The following CSMD2 variants were observed in gnomAD, a reference collection of about 807,000 sequenced individuals.
The protein encoded by CSMD2 is CUB and Sushi multiple domains 2, also known as CUB and sushi domain-containing protein 2.
A neutral mutation model predicts 398.5 loss-of-function variants in CSMD2; 130 were observed. That is an observed-to-expected ratio of 0.33 (90% confidence interval 0.28 to 0.38). The LOEUF is 0.38. Among genes scored for constraint, CSMD2 ranks in the 10% least tolerant of loss-of-function variants. CSMD2 has a pLI of 1.00. For missense variants in CSMD2, 3,829 were observed against 4,764.9 expected, an observed-to-expected ratio of 0.80 and a Z score of 5.78; for synonymous variants, 1,828 against 1,908.5, an observed-to-expected ratio of 0.96 and a Z score of 1.10.
chr1:33,595,702 A>T (rs1412569336), intron 44 of CSMD2, among the ~76,000 whole-genome samples: 1 of 152,202 alleles, frequency 6.6e-6, no homozygotes, highest in Admixed American at 6.5e-5. Flanking sequence ...ACATGTCTCC[A>T]TCATGCCTTG....
intron 1 of CSMD2, among the ~76,000 whole-genome samples, chr1:34,155,631 C>T (rs980990315): frequency 1.3e-5 from 2 of 152,164 alleles, no homozygotes; most frequent in African/African-American, 4.8e-5. Flanking sequence ...GGCCAAGAAG[C>T]TCAGCAAGCC....
chr1:34,131,273 A>C (rs1245398744), intron 1 of CSMD2, among the ~76,000 whole-genome samples: 1 of 152,224 alleles, frequency 6.6e-6, no homozygotes, highest in Non-Finnish European at 1.5e-5. Context: ...GCCAATAGTG[A>C]AAGTACTAGA....
At chr1:33,665,818 T>G (rs1644291583) in intron 25 of CSMD2, among the ~76,000 whole-genome samples, 1 of 152,162 alleles carries the variant, frequency 6.6e-6, no homozygotes, top group Non-Finnish European at 1.5e-5. Context: ...TCTTCCACAC[T>G]TTGCCTACCA....
intron 32 of CSMD2, among the ~76,000 whole-genome samples, chr1:33,628,155 G>A (rs1365240832): frequency 6.6e-6 from 1 of 152,148 alleles, no homozygotes; most frequent in African/African-American, 2.4e-5. Context: ...AATAAAGGCT[G>A]CAAAGAGATG....
intron 2 of CSMD2, among the ~76,000 whole-genome samples, chr1:34,047,207 A>G (rs1039573474): frequency 2.0e-5 from 3 of 151,758 alleles, no homozygotes; most frequent in Non-Finnish European, 4.4e-5. Flanking sequence ...CCCCCTGCTC[A>G]CTCACTCTAA....
At chr1:33,907,157 C>G (rs1260557388) in intron 5 of CSMD2, among the ~76,000 whole-genome samples, 1 of 138,246 alleles carries the variant, frequency 7.2e-6, no homozygotes, top group South Asian at 2.3e-4. Flanking sequence ...CTGGCTCTGT[C>G]GCCCAGGCTG....
At chr1:33,884,368 C>G (rs1484008625) in intron 5 of CSMD2, among the ~76,000 whole-genome samples, 1 of 144,404 alleles carries the variant, frequency 6.9e-6, no homozygotes, top group East Asian at 2.0e-4. Context: ...AGGGGCACCT[C>G]AAACTTAAGA....
chr1:33,543,171 A>T (rs2148603058), intron 57 of CSMD2, among the ~76,000 whole-genome samples: 1 of 152,358 alleles, frequency 6.6e-6, no homozygotes, highest in East Asian at 1.9e-4. Context: ...ATTGCTTAAT[A>T]TCACCAAATA....
chr1:33,785,701 T>C lies in CSMD2; in HGVS notation c.1663+2899A>G, dbSNP rs532061523. Among the ~76,000 whole-genome samples, 5 of 152,258 alleles carry C rather than the reference T, an allele frequency of 3.3e-5. No individual in the cohort carries two copies. In the East Asian group the frequency reaches 9.7e-4, roughly 29 times the overall value. On this transcript the variant is annotated intron_variant, in intron 12 of 70. Transcript: ENST00000373381. ...ATCCTGGGCATGCCCTATCCTACCA[T>C]GGAGGTCCCTGGAGGGTACCGCAGG...
chr1:33,577,404 G>A lies in CSMD2; in HGVS notation c.7468C>T (p.His2490Tyr). The A allele has an allele frequency of 1.2e-6, 2 of 1,614,192 alleles. No homozygotes were observed. Among genetic ancestry groups the A allele is most frequent in the Non-Finnish European group, 1.7e-6 (2 of 1,180,016 alleles). Residue 2490 changes from histidine (H) to tyrosine (Y), a missense_variant, in exon 49 of 71, where the codon CAC becomes TAC. By Grantham distance (83) the His-to-Tyr change is moderately conservative (BLOSUM62 2). Around this residue, in one of 5 missense-constraint regions of CSMD2, gnomAD observed 723 missense variants for 758.6 expected, o/e 0.95. Coordinates refer to ENST00000373381, the MANE Select transcript of CSMD2 (RefSeq NM_001281956.2). ...QTSTQPGGSI[H>Y]FGCNAGYRLV... ...CGGTAGCCGGCGTTGCAGCCAAAGT[G>A]GATGGAGCCCCCGGGCTGGGTGCTG... is the stretch of plus-strand genomic sequence containing the variant.
chr1:34,110,904 AAAATAAAATAAAATG>A (rs1168273969), intron 1 of CSMD2, among the ~76,000 whole-genome samples: 7 of 152,200 alleles, frequency 4.6e-5, no homozygotes, highest in Admixed American at 1.3e-4. Context: ...TAAAAGTTAA[AAAATAAAATAAAATG>A]AAATAAAATA....
intron 5 of CSMD2, among the ~76,000 whole-genome samples, chr1:33,899,734 A>C (rs1642627749): frequency 6.6e-6 from 1 of 152,152 alleles, no homozygotes; most frequent in African/African-American, 2.4e-5. Flanking sequence ...AGGACCCATC[A>C]CCTGCCTTAT....
At chr1:33,534,982 G>A (rs1409657874) in intron 62 of CSMD2, among the ~76,000 whole-genome samples, 1 of 152,044 alleles carries the variant, frequency 6.6e-6, no homozygotes, top group African/African-American at 2.4e-5. Context: ...TCAACTCCCT[G>A]ATATTCATTC....
At chr1:33,880,003 T>C (rs1278116783) in intron 5 of CSMD2, among the ~76,000 whole-genome samples, 1 of 152,172 alleles carries the variant, frequency 6.6e-6, no homozygotes. Context: ...TCTAGTAAGA[T>C]CCTATTATCC....
intron 3 of CSMD2, among the ~76,000 whole-genome samples, chr1:33,946,639 G>A (rs2125356269): frequency 6.8e-6 from 1 of 147,380 alleles, no homozygotes; most frequent in South Asian, 2.1e-4. Context: ...TTTTTTTTGA[G>A]ACGGAGTCTT....
chr1:33,700,391 A>G, intron 23 of CSMD2, 126 bp downstream of exon 23: 1 of 920,676 alleles, frequency 1.1e-6, no homozygotes, highest in South Asian at 1.6e-5. Context: ...TGATGGATAC[A>G]TATTGGATTT....
intron 44 of CSMD2, among the ~76,000 whole-genome samples, chr1:33,589,445 T>C (rs763384852): frequency 6.6e-6 from 1 of 152,220 alleles, no homozygotes; most frequent in Non-Finnish European, 1.5e-5. Flanking sequence ...TAGTCGTCTG[T>C]TTTAATCTTT....
chr1:33,919,742 T>C (rs1005249991), intron 4 of CSMD2, among the ~76,000 whole-genome samples: 1 of 152,164 alleles, frequency 6.6e-6, no homozygotes, highest in African/African-American at 2.4e-5. Flanking sequence ...ATAGTTATGA[T>C]GGGGATGCTC....
chr1:34,122,427 G>A (rs1323269733), intron 1 of CSMD2, among the ~76,000 whole-genome samples: 1 of 152,116 alleles, frequency 6.6e-6, no homozygotes, highest in African/African-American at 2.4e-5. Context: ...GCCTCCTGCT[G>A]TATCCAGAAC....
Sources: gnomAD v4.1 joint callset for allele counts (sites outside exome capture counted in the v4.1 genomes callset) on GRCh38, gnomAD v4.1.1 for gene constraint, gnomAD v4.1.1 regional missense constraint, MANE v1.5 for transcripts, NCBI Gene and HGNC (gene_info 2026-07-23, HGNC 2026-07-21) for gene names.